The following STK3 variants were observed in gnomAD, a reference collection of about 807,000 sequenced individuals.
STK3 encodes the protein serine/threonine kinase 3.
In STK3, 41 loss-of-function variants were observed where a neutral mutation model predicts 58.0. The ratio of observed to expected loss-of-function variants is 0.71; its 90% confidence interval spans 0.55 to 0.92. The LOEUF (loss-of-function observed/expected upper bound fraction) is 0.92. Ranked by LOEUF, STK3 falls within the 40% of genes least tolerant of loss-of-function variation. The pLI is 0.00. For synonymous variants in STK3, 170 were observed against 191.0 expected, an observed-to-expected ratio of 0.89 and a Z score of 0.91; for missense variants, 479 against 602.7, an observed-to-expected ratio of 0.79 and a Z score of 2.15.
chr8:98,858,537 T>C (rs780116375), intron 3 of STK3, among the ~76,000 whole-genome samples: 5 of 151,154 alleles, frequency 3.3e-5, no homozygotes, highest in Non-Finnish European at 7.4e-5. Context: ...AAAATTGAGT[T>C]GCTAGACTTA....
intron 1 of STK3, among the ~76,000 whole-genome samples, chr8:98,777,021 G>C (rs577641842): frequency 6.6e-6 from 1 of 151,420 alleles, no homozygotes; most frequent in Non-Finnish European, 1.5e-5. Flanking sequence ...CTGCACTCCA[G>C]CCTGGGCGAC....
downstream of STK3, among the ~76,000 whole-genome samples, chr8:98,398,832 G>T (rs1817917860): frequency 6.6e-6 from 1 of 152,212 alleles, no homozygotes; most frequent in African/African-American, 2.4e-5. Flanking sequence ...CAGAGATGCA[G>T]GGAGCTGGCC....
chr8:98,739,384 CTCT>C (rs1828969165), intron 4 of STK3, among the ~76,000 whole-genome samples: 2 of 151,866 alleles, frequency 1.3e-5, no homozygotes, highest in Non-Finnish European at 2.9e-5. Flanking sequence ...CCGGGTACTC[CTCT>C]GAGACAAAAC....
At chr8:98,757,353 G>T (rs1431079890) in intron 3 of STK3, among the ~76,000 whole-genome samples, 1 of 149,734 alleles carries the variant, frequency 6.7e-6, no homozygotes, top group African/African-American at 2.4e-5. Context: ...GCTAATTTTT[G>T]TATTTAGTAG....
intron 10 of STK3, among the ~76,000 whole-genome samples, chr8:98,482,577 G>T (rs1364374553): frequency 6.6e-6 from 1 of 152,078 alleles, no homozygotes; most frequent in Non-Finnish European, 1.5e-5. Flanking sequence ...GCTCAGCAGT[G>T]ATTTGATTCA....
intron 1 of STK3, among the ~76,000 whole-genome samples, chr8:98,885,172 T>C (rs1390952226): frequency 6.6e-6 from 1 of 152,216 alleles, no homozygotes; most frequent in East Asian, 1.9e-4. Context: ...AGTCTGGTCT[T>C]ACCAGGAGTA....
chr8:98,839,475 T>G (rs996217348), intron 3 of STK3, among the ~76,000 whole-genome samples: 3 of 152,208 alleles, frequency 2.0e-5, no homozygotes, highest in African/African-American at 7.2e-5. Flanking sequence ...CTTTCAAACA[T>G]TCTTTTTACC....
intron 6 of STK3, among the ~76,000 whole-genome samples, chr8:98,699,868 C>A (rs1176501566): frequency 6.6e-6 from 1 of 152,200 alleles, no homozygotes; most frequent in African/African-American, 2.4e-5. Context: ...CAGCTGCGTG[C>A]TGGGAGAACC....
Position 98,786,967 on chromosome 8 carries a change from G to A in STK3, c.27-12148C>T, listed in dbSNP as rs915936660. On this transcript the variant is annotated intron_variant, in intron 1 of 10. Transcript: ENST00000419617. The stretch of plus-strand genomic sequence containing the variant: ...GGGCAGATCAAGAGGTCAGGAGATC[G>A]AGACCTTCCTGGCCAACATGGTGAA... 7.2e-5 allele frequency among the ~76,000 whole-genome samples: 11 copies of A among 151,864 alleles called. No individual in the cohort carries two copies. The East Asian group carries it at 1.9e-3, about 27-fold the overall frequency.
At chr8:98,628,938 A>T (rs1040924539) in intron 6 of STK3, among the ~76,000 whole-genome samples, 2 of 151,950 alleles carry the variant, frequency 1.3e-5, no homozygotes, top group African/African-American at 4.8e-5. Flanking sequence ...CTTGTTTGGC[A>T]GGAAAAATTG....
chr8:98,913,594 G>A (rs760039494), intron 1 of STK3, among the ~76,000 whole-genome samples: 7 of 152,202 alleles, frequency 4.6e-5, no homozygotes, highest in African/African-American at 7.2e-5. Flanking sequence ...CCTGAATGCC[G>A]CCAAGGAGAT....
At chr8:98,643,504 A>G (rs1241113905) in intron 6 of STK3, among the ~76,000 whole-genome samples, 1 of 152,122 alleles carries the variant, frequency 6.6e-6, no homozygotes, top group Non-Finnish European at 1.5e-5. Context: ...CTTCTTAACA[A>G]GGCATCCTTG....
chr8:98,567,102 A>G (rs1190026986), intron 8 of STK3, among the ~76,000 whole-genome samples: 1 of 152,246 alleles, frequency 6.6e-6, no homozygotes, highest in African/African-American at 2.4e-5. Context: ...AGTCAAGCAC[A>G]GTATCAATTA....
intron 3 of STK3, among the ~76,000 whole-genome samples, chr8:98,858,361 C>CAG (rs1262519001): frequency 3.3e-5 from 2 of 61,464 alleles, no homozygotes; most frequent in African/African-American, 1.2e-4. Flanking sequence ...GAGAGAGAGA[C>CAG]AGAGAGAGAG....
chr8:98,653,242 T>C (rs986431708), intron 6 of STK3, among the ~76,000 whole-genome samples: 1 of 152,050 alleles, frequency 6.6e-6, no homozygotes, highest in Admixed American at 6.6e-5. Context: ...ACTGGGTACA[T>C]AACGAAATGA....
At chr8:98,850,888 A>C (rs1836442213) in intron 3 of STK3, among the ~76,000 whole-genome samples, 1 of 152,134 alleles carries the variant, frequency 6.6e-6, no homozygotes, top group Non-Finnish European at 1.5e-5. Context: ...CAGAATCAAG[A>C]AGATTGTCCA....
intron 1 of STK3, among the ~76,000 whole-genome samples, chr8:98,889,072 C>T (rs1238800757): frequency 2.0e-5 from 3 of 152,226 alleles, no homozygotes. Context: ...AACAGAGCGA[C>T]CCTGCAGCCC....
At chr8:98,516,671 C>T (rs772069980) in intron 10 of STK3, among the ~76,000 whole-genome samples, 29 of 152,064 alleles carry the variant, frequency 1.9e-4, no homozygotes, top group Non-Finnish European at 4.0e-4. Context: ...AAAAGCAACG[C>T]AATTTCAGGA....
At chr8:98,500,343 C>G (rs1823478603) in intron 10 of STK3, among the ~76,000 whole-genome samples, 7 of 152,072 alleles carry the variant, frequency 4.6e-5, no homozygotes, top group Admixed American at 4.6e-4. Context: ...ACCAGCCTGG[C>G]CAACTTGGTG....
Sources: gnomAD v4.1 joint callset for allele counts (sites outside exome capture counted in the v4.1 genomes callset) on GRCh38, gnomAD v4.1.1 for gene constraint, MANE v1.5 for transcripts, NCBI Gene and HGNC (gene_info 2026-07-23, HGNC 2026-07-21) for gene names.